Variants in MARCHF4 observed in about 807,000 individuals in gnomAD.
MARCHF4 encodes the protein E3 ubiquitin-protein ligase MARCHF4.
A neutral mutation model predicts 43.9 loss-of-function variants in MARCHF4; 14 were observed. The ratio of observed to expected loss-of-function variants is 0.32; its 90% confidence interval spans 0.21 to 0.50. The LOEUF (loss-of-function observed/expected upper bound fraction) is 0.50, where lower values mean the gene tolerates loss of function less well. MARCHF4 is among the 20% of genes least tolerant of loss of function. The pLI is 0.98. For synonymous variants in MARCHF4, 226 were observed against 213.3 expected, an observed-to-expected ratio of 1.06 and a Z score of -0.52; for missense variants, 468 against 536.7, an observed-to-expected ratio of 0.87 and a Z score of 1.27.
intron 1 of MARCHF4, among the ~76,000 whole-genome samples, chr2:216,298,843 G>C (rs191142853): frequency 6.6e-6 from 1 of 152,138 alleles, no homozygotes; most frequent in African/African-American, 2.4e-5. Flanking sequence ...TGATTTCACA[G>C]GTCCTGTCCA....
intron 1 of MARCHF4, among the ~76,000 whole-genome samples, chr2:216,365,579 A>G (rs967922546): frequency 1.3e-5 from 2 of 152,204 alleles, no homozygotes; most frequent in African/African-American, 2.4e-5. Context: ...TTCTGCTTCC[A>G]TCTGTCTAAC....
chr2:216,329,867 G>A (rs557666604), intron 1 of MARCHF4, among the ~76,000 whole-genome samples: 10 of 151,762 alleles, frequency 6.6e-5, no homozygotes, highest in South Asian at 2.1e-4. Flanking sequence ...TGGGAGGATC[G>A]CTTGGGGCCG....
In MARCHF4 at chr2:216,297,264, C is replaced by A. The variant is rs573848549; in HGVS notation, c.517-13535G>T. 6.0e-4 allele frequency among the ~76,000 whole-genome samples: 92 copies of A among 152,318 alleles called. No homozygotes were observed. The South Asian group carries it at 0.018, about 30-fold the overall frequency. On this transcript the variant is annotated intron_variant, in intron 1 of 3. Transcript: ENST00000273067. ...GCCTGGTCATCAAAGGTCCTCCTCT[C>A]CTCCCCCAGCATCTGGTCAGACTGC... is the stretch of plus-strand genomic sequence containing the variant.
chr2:216,286,659 T>C (rs545153435), intron 1 of MARCHF4, among the ~76,000 whole-genome samples: 1 of 152,352 alleles, frequency 6.6e-6, no homozygotes, highest in South Asian at 2.1e-4. Flanking sequence ...AAACGAGCTA[T>C]TTTAACTCTT....
chr2:216,268,501 C>A (rs1559281686), intron 3 of MARCHF4, among the ~76,000 whole-genome samples: 1 of 152,176 alleles, frequency 6.6e-6, no homozygotes, highest in African/African-American at 2.4e-5. Context: ...TTGGAAGTTC[C>A]TCCTTCATTC....
At chr2:216,357,240 C>T (rs879730352) in intron 1 of MARCHF4, among the ~76,000 whole-genome samples, 23 of 152,164 alleles carry the variant, frequency 1.5e-4, no homozygotes, top group Non-Finnish European at 3.2e-4. Flanking sequence ...CCAGATTATA[C>T]ATTGTATTTA....
At chr2:216,279,286 G>A (rs143866620) in intron 2 of MARCHF4, among the ~76,000 whole-genome samples, 26 of 152,356 alleles carry the variant, frequency 1.7e-4, no homozygotes, top group African/African-American at 5.8e-4. Context: ...AAGCCTGGGA[G>A]AAGATACAAG....
intron 1 of MARCHF4, among the ~76,000 whole-genome samples, chr2:216,286,405 G>A (rs1250848742): frequency 6.6e-6 from 1 of 152,006 alleles, no homozygotes; most frequent in Admixed American, 6.6e-5. Context: ...TGGCCATGGT[G>A]GCATGCTCCT....
chr2:216,335,468 T>C (rs1202253039), intron 1 of MARCHF4, among the ~76,000 whole-genome samples: 1 of 152,152 alleles, frequency 6.6e-6, no homozygotes, highest in Non-Finnish European at 1.5e-5. Context: ...AATTAGCAAA[T>C]GAATGCTAAA....
chr2:216,258,316 G>A lies in MARCHF4; in HGVS notation c.*996C>T, dbSNP rs1455082731. 6.6e-6 allele frequency: 1 copy of A among 152,544 alleles called. No individual in the cohort carries two copies. Among genetic ancestry groups the A allele is most frequent in the Non-Finnish European group, 1.5e-5 (1 of 68,322 alleles). 9.4% of individuals were successfully genotyped at this position (152,544 alleles called of 1,614,324 possible). Reference sequence around the variant, plus strand: ...TCTCTTGGAAGCCCGTAGGTCAGGGGTGCCCTACCGTGAGGGGACTGGGTC... The same window carrying A: ...TCTCTTGGAAGCCCGTAGGTCAGGGATGCCCTACCGTGAGGGGACTGGGTC... On this transcript the variant is annotated 3_prime_UTR_variant, in exon 4 of 4. Transcript: ENST00000273067.
chr2:216,328,682 A>C (rs1273186830), intron 1 of MARCHF4, among the ~76,000 whole-genome samples: 1 of 152,252 alleles, frequency 6.6e-6, no homozygotes, highest in African/African-American at 2.4e-5. Context: ...ATGCAATAGA[A>C]TATTGGTTGC....
chr2:216,283,519 A>G (rs1021829664), intron 2 of MARCHF4, 55 bp downstream of exon 2: 2 of 1,522,348 alleles, frequency 1.3e-6, no homozygotes, highest in Non-Finnish European at 1.8e-6. Context: ...CTGCTAAAGC[A>G]GGTGGTGTGG....
At chr2:216,346,494 G>A (rs12467575) in intron 1 of MARCHF4, among the ~76,000 whole-genome samples, 8,653 of 152,292 alleles carry the variant, frequency 0.057, 287 homozygotes, top group South Asian at 0.13. Context: ...ACAGTTTAGA[G>A]GGGAATACAG....
intron 3 of MARCHF4, among the ~76,000 whole-genome samples, chr2:216,276,296 G>C (rs1016325541): frequency 6.6e-6 from 1 of 152,140 alleles, no homozygotes; most frequent in African/African-American, 2.4e-5. Flanking sequence ...CAATAATCCA[G>C]GGCTCAGCAG....
chr2:216,267,216 C>T (rs1252810159), intron 3 of MARCHF4, among the ~76,000 whole-genome samples: 1 of 152,062 alleles, frequency 6.6e-6, no homozygotes, highest in Non-Finnish European at 1.5e-5. Context: ...CTTTTTGCAC[C>T]AAGGTGAGAC....
intron 1 of MARCHF4, among the ~76,000 whole-genome samples, chr2:216,315,521 C>T (rs945214022): frequency 6.6e-6 from 1 of 152,084 alleles, no homozygotes; most frequent in African/African-American, 2.4e-5. Flanking sequence ...GAGACAACCT[C>T]AGGAGACTAT....
chr2:216,273,961 T>C (rs923128609), intron 3 of MARCHF4, among the ~76,000 whole-genome samples: 4 of 152,230 alleles, frequency 2.6e-5, no homozygotes, highest in African/African-American at 9.6e-5. Context: ...AACTGCACCC[T>C]GGGTTGGCAT....
chr2:216,352,631 A>AG (rs1235086366), intron 1 of MARCHF4, among the ~76,000 whole-genome samples: 1 of 152,148 alleles, frequency 6.6e-6, no homozygotes, highest in Non-Finnish European at 1.5e-5. Flanking sequence ...TGCTAGGATT[A>AG]CAGACATAAA....
chr2:216,316,013 C>T (rs373657971), intron 1 of MARCHF4, among the ~76,000 whole-genome samples: 7 of 152,326 alleles, frequency 4.6e-5, no homozygotes, highest in Admixed American at 3.9e-4. Context: ...CAGGGTCTTT[C>T]TATCCCTGGT....
Sources: allele counts gnomAD v4.1 joint callset (sites outside exome capture counted in the v4.1 genomes callset), GRCh38; gene constraint gnomAD v4.1.1; transcripts MANE v1.5; gene names NCBI Gene and HGNC (gene_info 2026-07-23, HGNC 2026-07-21).